Variants in HDX observed in about 807,000 individuals in gnomAD.
The protein encoded by HDX is chromosome X open reading frame 43.
A neutral mutation model predicts 45.2 loss-of-function variants in HDX; 19 were observed. That is an observed-to-expected ratio of 0.42 (90% CI 0.29 to 0.62). The LOEUF is 0.62. Ranked by LOEUF, HDX falls within the 20% of genes least tolerant of loss-of-function variation. HDX has a pLI of 0.20. For missense variants in HDX, 532 were observed against 493.9 expected, an observed-to-expected ratio of 1.08 and a Z score of -0.73; for synonymous variants, 188 against 172.8, an observed-to-expected ratio of 1.09 and a Z score of -0.69.
chrX:84,413,958 T>G (rs2039045572), intron 5 of HDX, among the ~76,000 whole-genome samples: 1 of 111,689 alleles, frequency 9.0e-6, no homozygotes, highest in South Asian at 3.7e-4. Context: ...TAAAGTAATA[T>G]AATAAAAGCT....
chrX:84,430,684 A>ATTTT (rs34140119), intron 5 of HDX, among the ~76,000 whole-genome samples: 9 of 104,698 alleles, frequency 8.6e-5, no homozygotes, highest in African/African-American at 1.0e-4. Flanking sequence ...AGTATTTGTG[A>ATTTT]TTTTTTTTTT....
chrX:84,470,928 G>A (rs1368923731), intron 3 of HDX, among the ~76,000 whole-genome samples: 2 of 111,740 alleles, frequency 1.8e-5, no homozygotes, highest in Non-Finnish European at 3.8e-5. Flanking sequence ...GCCAAGGCAG[G>A]AGGATCGCTT....
chrX:84,342,204 T>G (rs1028163680), intron 7 of HDX, among the ~76,000 whole-genome samples: 1 of 111,791 alleles, frequency 8.9e-6, no homozygotes, highest in Non-Finnish European at 1.9e-5. Context: ...AACCACTATC[T>G]AAAATTCAAT....
intron 5 of HDX, among the ~76,000 whole-genome samples, chrX:84,410,919 A>G (rs771502103): frequency 3.4e-4 from 38 of 110,368 alleles, no homozygotes; most frequent in Non-Finnish European, 6.3e-4. Flanking sequence ...CTAGAAATTT[A>G]TCCATTTTTT....
At chrX:84,349,742 G>A (rs2037297497) in intron 6 of HDX, among the ~76,000 whole-genome samples, 1 of 105,063 alleles carries the variant, frequency 9.5e-6, no homozygotes, top group African/African-American at 3.5e-5. Context: ...CTTAAAAAAA[G>A]AATAAAATCA....
intron 9 of HDX, among the ~76,000 whole-genome samples, chrX:84,326,769 G>C (rs914953582): frequency 9.1e-6 from 1 of 110,330 alleles, no homozygotes; most frequent in African/African-American, 3.3e-5. Context: ...AAAATTAGTA[G>C]GGCATGGTGG....
At chrX:84,475,819 T>C (rs754196608) in intron 2 of HDX, among the ~76,000 whole-genome samples, 6 of 111,811 alleles carry the variant, frequency 5.4e-5, no homozygotes, top group African/African-American at 1.9e-4. Flanking sequence ...CTGGCATATG[T>C]CTTATAGCCA....
intron 6 of HDX, among the ~76,000 whole-genome samples, chrX:84,350,905 C>T (rs1326087801): frequency 9.0e-6 from 1 of 111,168 alleles, no homozygotes; most frequent in Non-Finnish European, 1.9e-5. Context: ...TTGTATTTTT[C>T]CCCTGCATTC....
chrX:84,328,049 C>T lies in HDX; in HGVS notation c.1825-1749G>A, dbSNP rs189586528. ...CCCAGGCTAGTCTTGAACTCCTGGT[C>T]TCAAGCGATCCTCCCACATCAGTCT... On this transcript the variant is annotated intron_variant, in intron 9 of 10. Transcript: ENST00000373177. Among the ~76,000 whole-genome samples, 172 of 110,823 alleles carry T rather than the reference C, an allele frequency of 1.6e-3. 1 individual carries two copies. Among genetic ancestry groups the T allele is most frequent in the African/African-American group, 5.3e-3 (160 of 30,473 alleles).
chrX:84,361,744 A>C (rs922552621), intron 5 of HDX, 132 bp from the exon 6 acceptor site: 1 of 407,003 alleles, frequency 2.5e-6, no homozygotes, highest in African/African-American at 2.5e-5. Context: ...ATTCTTATTC[A>C]GTCCTCCCGT....
chrX:84,405,930 T>C (rs978548165), intron 5 of HDX, among the ~76,000 whole-genome samples: 1 of 110,774 alleles, frequency 9.0e-6, no homozygotes, highest in Admixed American at 9.8e-5. Context: ...TAGATTATTA[T>C]AGAATTGGAA....
intron 4 of HDX, among the ~76,000 whole-genome samples, chrX:84,458,322 A>G (rs1459946564): frequency 9.0e-6 from 1 of 111,648 alleles, no homozygotes. Flanking sequence ...CTCCAAACCA[A>G]TTCCTAAACT....
chrX:84,444,190 A>G (rs1340873424), intron 4 of HDX, among the ~76,000 whole-genome samples: 1 of 111,210 alleles, frequency 9.0e-6, no homozygotes, highest in Non-Finnish European at 1.9e-5. Flanking sequence ...GACAGGATGT[A>G]TTTGGGGAAT....
intron 6 of HDX, among the ~76,000 whole-genome samples, chrX:84,360,820 G>A (rs958311278): frequency 7.2e-5 from 8 of 111,666 alleles, no homozygotes; most frequent in Non-Finnish European, 1.1e-4. Context: ...CATTCACTTG[G>A]TGGATGTTTG....
At chrX:84,326,018 T>G (rs1373974951) in intron 10 of HDX, among the ~76,000 whole-genome samples, 160 bp downstream of exon 10, 1 of 111,773 alleles carries the variant, frequency 8.9e-6, no homozygotes, top group Admixed American at 9.6e-5. Flanking sequence ...TGAGCATCTA[T>G]TCTCAAGAAA....
intron 5 of HDX, among the ~76,000 whole-genome samples, chrX:84,411,523 G>A (rs1186033557): frequency 4.5e-5 from 5 of 111,764 alleles, no homozygotes; most frequent in Non-Finnish European, 9.4e-5. Context: ...TGATCCTAGA[G>A]TGTGATCCTA....
chrX:84,339,312 A>C (rs932964861), intron 7 of HDX, among the ~76,000 whole-genome samples: 2 of 111,610 alleles, frequency 1.8e-5, no homozygotes, highest in Non-Finnish European at 3.8e-5. Flanking sequence ...TAATGAAGGA[A>C]GGGAAAAAGT....
At chrX:84,353,324 G>T (rs1380087004) in intron 6 of HDX, among the ~76,000 whole-genome samples, 1 of 110,959 alleles carries the variant, frequency 9.0e-6, no homozygotes, top group Non-Finnish European at 1.9e-5. Flanking sequence ...AACCCCCAAG[G>T]TACTAGTGTT....
rs749821059 is a variant in HDX, at chrX:84,321,148, T to A, written c.*741A>T. On this transcript the variant is annotated 3_prime_UTR_variant, in exon 11 of 11. Transcript: ENST00000373177. ...CTGGAATGTCAATCGTATCAATACT[T>A]GTCATTTGTAGTAATGAAGAATCCC... 26 of 111,137 alleles carry A rather than the reference T, an allele frequency of 2.3e-4. No individual in the cohort carries two copies. Among genetic ancestry groups the A allele is most frequent in the African/African-American group, 7.5e-4 (23 of 30,790 alleles). 9.2% of individuals were successfully genotyped at this position (111,137 alleles called of 1,213,427 possible). A position where few individuals can be genotyped will look rare whatever the true frequency, so the allele number is the denominator to read the frequency against.
Sources: gnomAD v4.1 joint callset for allele counts (sites outside exome capture counted in the v4.1 genomes callset) on GRCh38, gnomAD v4.1.1 for gene constraint, MANE v1.5 for transcripts, NCBI Gene and HGNC (gene_info 2026-07-23, HGNC 2026-07-21) for gene names.